Variants in ST8SIA1 observed in about 807,000 individuals in gnomAD.
ST8SIA1 encodes the protein ST8 alpha-N-acetyl-neuraminide alpha-2,8-sialyltransferase 1.
In ST8SIA1, 16 loss-of-function variants were observed where a neutral mutation model predicts 35.9. The observed-to-expected ratio is 0.45, with a 90% CI of 0.30 to 0.68. The LOEUF (loss-of-function observed/expected upper bound fraction) is 0.68, where lower values mean the gene tolerates loss of function less well. Among genes scored for constraint, ST8SIA1 ranks in the 30% least tolerant of loss-of-function variants. The pLI, the probability that ST8SIA1 is intolerant of heterozygous loss-of-function variation, is 0.09. For missense variants in ST8SIA1, 383 were observed against 453.6 expected, an observed-to-expected ratio of 0.84 and a Z score of 1.41; for synonymous variants, 170 against 169.6, an observed-to-expected ratio of 1.00 and a Z score of -0.02.
At chr12:22,272,172 T>C (rs954354021) in intron 2 of ST8SIA1, among the ~76,000 whole-genome samples, 1 of 152,232 alleles carries the variant, frequency 6.6e-6, no homozygotes, top group South Asian at 2.1e-4. Flanking sequence ...TTTAAGTGAA[T>C]GACTATAATT....
chr12:22,201,921 C>G lies in ST8SIA1; in HGVS notation c.702G>C (p.Arg234Ser), dbSNP rs777374415. 24 of 1,613,944 alleles carry G rather than the reference C, an allele frequency of 1.5e-5. No individual in the cohort carries two copies. The Admixed American group carries it at 2.0e-4, about 13-fold the overall frequency. Residue 234 changes from arginine to serine, a missense_variant, in exon 5 of 5, where the codon AGG becomes AGC. Coordinates refer to ENST00000396037, the MANE Select transcript of ST8SIA1 (RefSeq NM_003034.4). ...SMKTGTEPSL[R>S]VYYTLSDVGA... is the part of the protein sequence containing the mutation. The stretch of plus-strand genomic sequence containing the variant: ...CAACATCTGACAGTGTATAATAAAC[C>G]CTCAAAGATGGCTCTGTTCCTGTCT...
chr12:22,295,335 A>T (rs1212279949), intron 1 of ST8SIA1, among the ~76,000 whole-genome samples: 1 of 152,170 alleles, frequency 6.6e-6, no homozygotes, highest in Admixed American at 6.6e-5. Flanking sequence ...AATTAAATTG[A>T]TACATGATAG....
intron 1 of ST8SIA1, among the ~76,000 whole-genome samples, chr12:22,293,824 T>C (rs1234397943): frequency 6.6e-6 from 1 of 152,166 alleles, no homozygotes; most frequent in Non-Finnish European, 1.5e-5. Flanking sequence ...ACGTTCACCA[T>C]ATAAAGAGTA....
intron 4 of ST8SIA1, among the ~76,000 whole-genome samples, chr12:22,218,273 G>A (rs771608386): frequency 1.3e-5 from 2 of 151,756 alleles, no homozygotes; most frequent in Non-Finnish European, 2.9e-5. Context: ...GCAGTGGGCC[G>A]AGATTATGCC....
intron 2 of ST8SIA1, among the ~76,000 whole-genome samples, chr12:22,259,845 T>C (rs1865768692): frequency 6.6e-6 from 1 of 152,206 alleles, no homozygotes; most frequent in African/African-American, 2.4e-5. Context: ...ATTTCTCAGT[T>C]TGGCAATGGT....
At chr12:22,325,551 C>T in intron 1 of ST8SIA1, 1 of 694,632 alleles carries the variant, frequency 1.4e-6, no homozygotes, top group East Asian at 2.7e-5. Context: ...GCCTTGGAAC[C>T]CCATGTTACT....
At chr12:22,224,093 C>A (rs866927208) in intron 4 of ST8SIA1, among the ~76,000 whole-genome samples, 1 of 152,092 alleles carries the variant, frequency 6.6e-6, no homozygotes, top group African/African-American at 2.4e-5. Flanking sequence ...GCATTGTTAT[C>A]ATTTCTCTTT....
chr12:22,327,908 T>C (rs1866702661), intron 1 of ST8SIA1, among the ~76,000 whole-genome samples: 1 of 152,192 alleles, frequency 6.6e-6, no homozygotes, highest in African/African-American at 2.4e-5. Flanking sequence ...TAGTTCTTAA[T>C]TACGCATACT....
chr12:22,210,634 G>A (rs552696697), intron 4 of ST8SIA1, among the ~76,000 whole-genome samples: 69 of 152,296 alleles, frequency 4.5e-4, no homozygotes, highest in Non-Finnish European at 1.8e-4. Context: ...CTGGCTGCAC[G>A]CTGAGGTTCC....
At chr12:22,302,812 C>A (rs1866334496) in intron 1 of ST8SIA1, among the ~76,000 whole-genome samples, 1 of 152,100 alleles carries the variant, frequency 6.6e-6, no homozygotes, top group Non-Finnish European at 1.5e-5. Flanking sequence ...CTGATTGACA[C>A]CCTTGGAAAG....
At chr12:22,297,448 G>A (rs963424515) in intron 1 of ST8SIA1, among the ~76,000 whole-genome samples, 3 of 151,228 alleles carry the variant, frequency 2.0e-5, no homozygotes, top group East Asian at 1.9e-4. Flanking sequence ...TACACTTCTG[G>A]TATTTCTGTG....
chr12:22,312,926 T>G (rs1432654532), intron 1 of ST8SIA1, among the ~76,000 whole-genome samples: 2 of 152,200 alleles, frequency 1.3e-5, no homozygotes, highest in African/African-American at 4.8e-5. Flanking sequence ...TCTAACCCTT[T>G]GGTATACAGA....
chr12:22,297,908 G>A (rs751548547), intron 1 of ST8SIA1, among the ~76,000 whole-genome samples: 17 of 152,060 alleles, frequency 1.1e-4, no homozygotes, highest in African/African-American at 1.4e-4. Flanking sequence ...AGGCCAAAGC[G>A]GGATTACAGG....
chr12:22,263,077 GA>G (rs1865809958), intron 2 of ST8SIA1, among the ~76,000 whole-genome samples: 2 of 152,214 alleles, frequency 1.3e-5, no homozygotes, highest in Admixed American at 6.5e-5. Context: ...GGCCTGAACA[GA>G]TATGAGGAGG....
chr12:22,290,541 C>T (rs1478407102), intron 1 of ST8SIA1, among the ~76,000 whole-genome samples: 1 of 150,952 alleles, frequency 6.6e-6, no homozygotes, highest in African/African-American at 2.5e-5. Context: ...GGGGCACCAA[C>T]AAGCAAGTGA....
chr12:22,326,225 G>T, intron 1 of ST8SIA1: 1 of 227,854 alleles, frequency 4.4e-6, no homozygotes. Context: ...ACTGGTACAT[G>T]GTAGACATTC....
chr12:22,247,653 G>A (rs1196376855), intron 4 of ST8SIA1, among the ~76,000 whole-genome samples: 1 of 151,862 alleles, frequency 6.6e-6, no homozygotes, highest in African/African-American at 2.4e-5. Flanking sequence ...TTTCAGGGAA[G>A]GGAGGAGCAT....
chr12:22,265,447 T>A (rs1865836677), intron 2 of ST8SIA1, among the ~76,000 whole-genome samples: 1 of 152,224 alleles, frequency 6.6e-6, no homozygotes. Context: ...AGCATCACCT[T>A]GTAGCCCGCC....
intron 4 of ST8SIA1, among the ~76,000 whole-genome samples, chr12:22,212,699 T>A (rs1865187962): frequency 6.6e-6 from 1 of 152,180 alleles, no homozygotes; most frequent in Non-Finnish European, 1.5e-5. Context: ...TTAAGCTAAC[T>A]ATAGGAAGAA....
Sources: allele counts gnomAD v4.1 joint callset (sites outside exome capture counted in the v4.1 genomes callset), GRCh38; gene constraint gnomAD v4.1.1; transcripts MANE v1.5; gene names NCBI Gene and HGNC (gene_info 2026-07-23, HGNC 2026-07-21).